Variants in PAG1 observed in about 807,000 individuals in gnomAD.
PAG1 encodes the protein phosphoprotein associated with glycosphingolipid-enriched microdomains 1.
Under a neutral mutation model 31.7 loss-of-function variants are expected in PAG1, and 23 were observed. The ratio of observed to expected loss-of-function variants is 0.73; its 90% CI spans 0.52 to 1.03. The LOEUF is 1.03. Ranked by LOEUF, PAG1 falls within the 50% of genes least tolerant of loss-of-function variation. PAG1 has a pLI of 0.00. For missense variants in PAG1, 473 were observed against 540.7 expected (o/e 0.87, Z 1.24); for synonymous variants, 214 against 210.3 (o/e 1.02, Z -0.15).
rs1363430840 is a variant in PAG1, at chr8:80,972,148, C to T, written c.*4396G>A. The T allele has an allele frequency of 6.6e-6, 1 of 152,182 alleles. No individual in the cohort carries two copies. The highest frequency in any genetic ancestry group is 2.4e-5 in the African/African-American group (1 of 41,422). 9.4% of individuals were successfully genotyped at this position (152,182 alleles called of 1,614,324 possible). On this transcript the variant is annotated 3_prime_UTR_variant, in exon 9 of 9. Coordinates refer to ENST00000220597, the MANE Select transcript of PAG1 (RefSeq NM_018440.4). ...ACATCAGTCATTTATTAACACCAAA[C>T]ATTATACTTTAACTTTTCCCCATTA...
intron 3 of PAG1, among the ~76,000 whole-genome samples, chr8:81,014,077 G>T (rs1808031340): frequency 6.6e-6 from 1 of 152,132 alleles, no homozygotes; most frequent in Non-Finnish European, 1.5e-5. Flanking sequence ...AAAATTCTCA[G>T]ATTTTGGGCT....
At chr8:81,040,561 T>C (rs1448470360) in intron 2 of PAG1, among the ~76,000 whole-genome samples, 1 of 152,040 alleles carries the variant, frequency 6.6e-6, no homozygotes, top group African/African-American at 2.4e-5. Context: ...ATGTGGAATA[T>C]TTATGATATA....
intron 2 of PAG1, among the ~76,000 whole-genome samples, chr8:81,050,166 T>C (rs914862403): frequency 3.9e-5 from 6 of 152,242 alleles, no homozygotes; most frequent in African/African-American, 1.2e-4. Context: ...ACACGTTTCA[T>C]TGCTATTCCT....
intron 2 of PAG1, among the ~76,000 whole-genome samples, chr8:81,032,145 T>C (rs532624162): frequency 6.6e-6 from 1 of 152,228 alleles, no homozygotes; most frequent in East Asian, 1.9e-4. Context: ...TAAATCTTCA[T>C]GAGCTCAGAT....
chr8:81,099,986 TAA>T (rs1205290997), intron 1 of PAG1, among the ~76,000 whole-genome samples: 1 of 152,216 alleles, frequency 6.6e-6, no homozygotes, highest in African/African-American at 2.4e-5. Context: ...AGTTGAAATT[TAA>T]AAAGACAATA....
intron 5 of PAG1, among the ~76,000 whole-genome samples, chr8:80,988,552 C>T (rs1040242816): frequency 1.3e-5 from 2 of 152,268 alleles, no homozygotes; most frequent in Non-Finnish European, 2.9e-5. Flanking sequence ...TCTCAAACTC[C>T]TGGGCCCAAG....
At chr8:81,087,943 T>C (rs1809386721) in intron 1 of PAG1, among the ~76,000 whole-genome samples, 2 of 152,212 alleles carry the variant, frequency 1.3e-5, no homozygotes, top group Non-Finnish European at 2.9e-5. Context: ...CCTAAATACA[T>C]ATCAAAGATC....
chr8:80,997,110 GT>G (rs1163954002), intron 3 of PAG1, among the ~76,000 whole-genome samples: 2 of 152,174 alleles, frequency 1.3e-5, no homozygotes, highest in Non-Finnish European at 2.9e-5. Context: ...TATCAAGTAA[GT>G]TATGTCTTGA....
At chr8:81,024,927 G>C (rs983162107) in intron 3 of PAG1, among the ~76,000 whole-genome samples, 3 of 152,024 alleles carry the variant, frequency 2.0e-5, no homozygotes, top group Admixed American at 6.6e-5. Flanking sequence ...GTTGTGTATT[G>C]TATCTTATTC....
At chr8:81,028,736 T>A (rs752786353) in intron 3 of PAG1, among the ~76,000 whole-genome samples, 3 of 152,250 alleles carry the variant, frequency 2.0e-5, no homozygotes, top group Non-Finnish European at 4.4e-5. Context: ...ACTGCTCTGC[T>A]ATTTTCCCAT....
intron 2 of PAG1, chr8:81,040,958 T>C (rs138492403): frequency 5.3e-5 from 8 of 152,300 alleles, no homozygotes; most frequent in African/African-American, 1.7e-4. Context: ...AAAAGCACGA[T>C]GTCTATTACA....
chr8:81,077,026 G>A (rs1234673915), intron 1 of PAG1, among the ~76,000 whole-genome samples: 1 of 152,210 alleles, frequency 6.6e-6, no homozygotes, highest in Non-Finnish European at 1.5e-5. Context: ...AATGTCAGCT[G>A]ACTGCACGTT....
chr8:81,015,399 G>A (rs1447238164), intron 3 of PAG1, among the ~76,000 whole-genome samples: 2 of 152,104 alleles, frequency 1.3e-5, no homozygotes, highest in Non-Finnish European at 2.9e-5. Context: ...GACCCTTTAT[G>A]TTGAATAAGC....
intron 8 of PAG1, among the ~76,000 whole-genome samples, chr8:80,979,071 A>C (rs891996664): frequency 6.6e-6 from 1 of 152,222 alleles, no homozygotes; most frequent in Admixed American, 6.5e-5. Flanking sequence ...TACAAAAAAA[A>C]CTTTCATATT....
Position 81,001,307 on chromosome 8 carries a change from T to TA in PAG1, c.-80-8001dup, listed in dbSNP as rs139733565. 1.2e-3 allele frequency among the ~76,000 whole-genome samples: 180 copies of TA among 152,378 alleles called. 3 individuals are homozygous for TA. The highest frequency in any genetic ancestry group is 6.8e-3 in the Middle Eastern group (2 of 294). On this transcript the variant is annotated intron_variant, in intron 3 of 8. Transcript: ENST00000220597. ...TAGTGTGTGGCACCCAGTAGGCACT[T>TA]AATATTTATTGGATGAATTAATAGT... is the stretch of plus-strand genomic sequence containing the variant.
chr8:81,022,612 C>A (rs749464419), intron 3 of PAG1, among the ~76,000 whole-genome samples: 2 of 151,908 alleles, frequency 1.3e-5, no homozygotes, highest in African/African-American at 4.8e-5. Context: ...CACAATAATG[C>A]CCATATATTA....
chr8:81,038,124 AG>A (rs1345876876), intron 2 of PAG1, among the ~76,000 whole-genome samples: 3 of 152,148 alleles, frequency 2.0e-5, no homozygotes, highest in Non-Finnish European at 4.4e-5. Flanking sequence ...ATGGGGTTGG[AG>A]GGTTGCTGCC....
At chr8:81,054,449 C>T (rs898833666) in intron 2 of PAG1, among the ~76,000 whole-genome samples, 20 of 152,150 alleles carry the variant, frequency 1.3e-4, no homozygotes, top group African/African-American at 3.6e-4. Context: ...CCAAGGCGGG[C>T]GGATCACGAG....
At chr8:81,028,760 C>T (rs1337681136) in intron 3 of PAG1, among the ~76,000 whole-genome samples, 1 of 152,228 alleles carries the variant, frequency 6.6e-6, no homozygotes, top group East Asian at 1.9e-4. Context: ...GTACGCACAG[C>T]ACAGATTCCT....
Sources: allele counts gnomAD v4.1 joint callset (sites outside exome capture counted in the v4.1 genomes callset), GRCh38; gene constraint gnomAD v4.1.1; transcripts MANE v1.5; gene names NCBI Gene and HGNC (gene_info 2026-07-23, HGNC 2026-07-21).